Variants in CCDC138 observed in about 807,000 individuals in gnomAD.
CCDC138 encodes coiled-coil domain-containing protein 138.
CCDC138 carries 66 observed loss-of-function variants against 82.3 expected under a neutral mutation model. The observed-to-expected ratio is 0.80, with a 90% CI of 0.66 to 0.98. CCDC138 has a LOEUF of 0.98. Ranked by LOEUF, CCDC138 falls within the 50% of genes least tolerant of loss-of-function variation. The pLI is 0.00. For missense variants in CCDC138, 816 were observed against 758.9 expected, an observed-to-expected ratio of 1.08 and a Z score of -0.88; for synonymous variants, 297 against 265.4, an observed-to-expected ratio of 1.12 and a Z score of -1.16.
At chr2:108,859,452 GT>G (rs1186312474) in intron 13 of CCDC138, among the ~76,000 whole-genome samples, 5 of 151,994 alleles carry the variant, frequency 3.3e-5, no homozygotes, top group African/African-American at 4.8e-5. Flanking sequence ...CTTTTGATGA[GT>G]TTGTCATAAA....
intron 10 of CCDC138, among the ~76,000 whole-genome samples, chr2:108,829,425 T>G (rs997778097): frequency 6.6e-6 from 1 of 152,196 alleles, no homozygotes; most frequent in Non-Finnish European, 1.5e-5. Context: ...AAAACCACAG[T>G]AAGATACCAC....
intron 3 of CCDC138, among the ~76,000 whole-genome samples, chr2:108,789,358 C>T (rs368319953): frequency 6.6e-6 from 1 of 152,052 alleles, no homozygotes; most frequent in African/African-American, 2.4e-5. Context: ...TTTGGGAGGC[C>T]GAGGCGGGTG....
At chr2:108,831,543 C>T (rs1687622139) in intron 10 of CCDC138, among the ~76,000 whole-genome samples, 1 of 152,080 alleles carries the variant, frequency 6.6e-6, no homozygotes, top group Non-Finnish European at 1.5e-5. Flanking sequence ...TAGGAAAAGA[C>T]AGTGTTTGCT....
At chr2:108,849,718 A>T (rs1196132122) in intron 12 of CCDC138, among the ~76,000 whole-genome samples, 57 of 152,262 alleles carry the variant, frequency 3.7e-4, no homozygotes, top group Non-Finnish European at 1.5e-5. Context: ...AGGAAGAGAT[A>T]CAAGAGTTCT....
intron 6 of CCDC138, among the ~76,000 whole-genome samples, chr2:108,803,392 C>G: frequency 1.9e-5 from 1 of 53,100 alleles, no homozygotes; most frequent in Non-Finnish European, 4.6e-5. Context: ...GGTTTTCTCT[C>G]ATTTCTTTAG....
chr2:108,854,555 T>C (rs1692294610), intron 12 of CCDC138, among the ~76,000 whole-genome samples: 1 of 152,214 alleles, frequency 6.6e-6, no homozygotes, highest in South Asian at 2.1e-4. Flanking sequence ...GAGATCAGAA[T>C]TGAGGTCTGT....
At chr2:108,853,969 TATATATAATATATA>T (rs1226723587) in intron 12 of CCDC138, among the ~76,000 whole-genome samples, 18 of 112,112 alleles carry the variant, frequency 1.6e-4, no homozygotes, top group South Asian at 7.5e-4. Flanking sequence ...TATAATAAAA[TATATATAATATATA>T]ATATATAATA....
chr2:108,802,944 G>A (rs1352078279), intron 6 of CCDC138, among the ~76,000 whole-genome samples: 4 of 152,224 alleles, frequency 2.6e-5, no homozygotes, highest in Admixed American at 6.5e-5. Flanking sequence ...ATTGATTTGC[G>A]TATATTGAAC....
downstream of CCDC138, among the ~76,000 whole-genome samples, chr2:108,880,586 A>T (rs1044937271): frequency 6.6e-6 from 1 of 152,184 alleles, no homozygotes; most frequent in South Asian, 2.1e-4. Flanking sequence ...TTTGAAGGCA[A>T]TGCTCATTTG....
intron 5 of CCDC138, 124 bp downstream of exon 5, chr2:108,794,845 C>T (rs567577210): frequency 6.2e-5 from 46 of 736,556 alleles, no homozygotes; most frequent in Middle Eastern, 3.9e-4. Flanking sequence ...AAGAGAAGGA[C>T]GGAAGGGGAC....
chr2:108,845,737 AT>A (rs748204065), intron 11 of CCDC138, among the ~76,000 whole-genome samples: 8 of 151,818 alleles, frequency 5.3e-5, no homozygotes, highest in Admixed American at 4.6e-4. Context: ...ACGCCTGGCT[AT>A]TTTTTTGTAT....
intron 7 of CCDC138, among the ~76,000 whole-genome samples, chr2:108,805,304 T>C (rs770986523): frequency 2.6e-5 from 4 of 152,206 alleles, no homozygotes; most frequent in Non-Finnish European, 5.9e-5. Context: ...TATTTATCAC[T>C]ACTTATTTAA....
intron 13 of CCDC138, among the ~76,000 whole-genome samples, chr2:108,870,638 A>G (rs1252628186): frequency 6.6e-6 from 1 of 152,254 alleles, no homozygotes; most frequent in East Asian, 1.9e-4. Context: ...ACGGTAGACT[A>G]TTATTCAGTC....
chr2:108,868,828 G>A (rs1694815864), intron 13 of CCDC138, among the ~76,000 whole-genome samples: 1 of 152,072 alleles, frequency 6.6e-6, no homozygotes, highest in African/African-American at 2.4e-5. Flanking sequence ...TTTTTGGGCA[G>A]AAACAAAGAA....
chr2:108,800,064 A>G (rs927633502), intron 6 of CCDC138, among the ~76,000 whole-genome samples: 14 of 152,148 alleles, frequency 9.2e-5, no homozygotes, highest in Admixed American at 7.2e-4. Flanking sequence ...TATCACCTGT[A>G]TCATCTCAAG....
chr2:108,796,067 T>C (rs575505330), intron 5 of CCDC138, among the ~76,000 whole-genome samples: 201 of 152,342 alleles, frequency 1.3e-3, no homozygotes, highest in Middle Eastern at 3.4e-3. Flanking sequence ...TTTATTTTTT[T>C]GAGACGGAGT....
At chr2:108,879,799 A>G (rs1378277340), downstream of CCDC138, among the ~76,000 whole-genome samples, 1 of 152,154 alleles carries the variant, frequency 6.6e-6, no homozygotes. Flanking sequence ...GGAATTTGCA[A>G]TACTAGATTT....
chr2:108,806,292 G>T (rs139557620), intron 7 of CCDC138, among the ~76,000 whole-genome samples: 2 of 152,174 alleles, frequency 1.3e-5, no homozygotes, highest in African/African-American at 4.8e-5. Flanking sequence ...AAAATTCCTA[G>T]CATAGATAAA....
chr2:108,820,437 T>A (rs1248402002), intron 10 of CCDC138, among the ~76,000 whole-genome samples: 1 of 151,924 alleles, frequency 6.6e-6, no homozygotes, highest in African/African-American at 2.4e-5. Context: ...GCTGAAAACA[T>A]CCCAAACTTT....
Sources: allele counts gnomAD v4.1 joint callset (sites outside exome capture counted in the v4.1 genomes callset), GRCh38; gene constraint gnomAD v4.1.1; transcripts MANE v1.5; gene names NCBI Gene and HGNC (gene_info 2026-07-23, HGNC 2026-07-21).